EGFR: variants seen among roughly 807,000 people sequenced by gnomAD.
EGFR encodes the protein epidermal growth factor receptor, also known as avian erythroblastic leukemia viral (v-erb-b) oncogene homolog.
Under a neutral mutation model 143.0 loss-of-function variants are expected in EGFR, and 58 were observed. That is an observed-to-expected ratio of 0.41 (90% CI 0.33 to 0.50). The LOEUF (loss-of-function observed/expected upper bound fraction) is 0.50, where lower values mean the gene tolerates loss of function less well. EGFR is among the 20% of genes least tolerant of loss of function. The pLI, the probability that EGFR is intolerant of heterozygous loss-of-function variation, is 0.39. For missense variants in EGFR, 1,307 were observed against 1,579.0 expected (o/e 0.83, Z 2.92); for synonymous variants, 613 against 594.4 (o/e 1.03, Z -0.45).
At chr7:55,020,176 C>T (rs1264085392) in intron 1 of EGFR, among the ~76,000 whole-genome samples, 1 of 152,228 alleles carries the variant, frequency 6.6e-6, no homozygotes, top group Non-Finnish European at 1.5e-5. Context: ...GCTCGCCTCG[C>T]CCGGTGCGCC....
chr7:55,129,716 C>T (rs185588203), intron 1 of EGFR, among the ~76,000 whole-genome samples: 3 of 152,344 alleles, frequency 2.0e-5, no homozygotes, highest in Non-Finnish European at 2.9e-5. Context: ...GACCTTGTAT[C>T]TTACTTCAAT....
intron 1 of EGFR, among the ~76,000 whole-genome samples, chr7:55,110,569 A>G (rs888533950): frequency 6.6e-6 from 1 of 152,226 alleles, no homozygotes; most frequent in African/African-American, 2.4e-5. Flanking sequence ...TAAATTATTT[A>G]TAGCTCAATT....
intron 1 of EGFR, among the ~76,000 whole-genome samples, chr7:55,117,292 C>T (rs1042529463): frequency 1.3e-5 from 2 of 151,954 alleles, no homozygotes; most frequent in African/African-American, 4.8e-5. Flanking sequence ...CTTTTTAGAT[C>T]GGTAAAAGTT....
At chr7:55,125,664 C>T (rs570688592) in intron 1 of EGFR, among the ~76,000 whole-genome samples, 40 of 151,818 alleles carry the variant, frequency 2.6e-4, no homozygotes, top group African/African-American at 7.9e-4. Context: ...ATAAATCCAG[C>T]GTACCAGCTT....
At position 55,118,735 on chromosome 7, in the gene EGFR, A is replaced by G. The variant is rs541581201; in HGVS notation, c.89-23551A>G. 1.7e-4 allele frequency among the ~76,000 whole-genome samples: 26 copies of G among 152,240 alleles called. 1 individual carries two copies. The highest frequency in any genetic ancestry group is 5.1e-4 in the African/African-American group (21 of 41,538). On this transcript the variant is annotated intron_variant, in intron 1 of 27. Coordinates refer to ENST00000275493, the MANE Select transcript of EGFR (RefSeq NM_005228.5). ...AAAGGAGCTGTGATCTCACAGATCC[A>G]CAGAGAAGTGTCCCAGGGCGGGCGG...
chr7:55,074,076 C>T (rs1016645461), intron 1 of EGFR, among the ~76,000 whole-genome samples: 3 of 152,240 alleles, frequency 2.0e-5, no homozygotes, highest in East Asian at 3.8e-4. Context: ...CTCAACGGCT[C>T]ATTCACCACA....
At chr7:55,179,799 T>G (rs967789616) in intron 19 of EGFR, 2 of 152,228 alleles carry the variant, frequency 1.3e-5, no homozygotes, top group Non-Finnish European at 2.9e-5. Flanking sequence ...CATTATTCCC[T>G]AAACAATACA....
Position 55,109,241 on chromosome 7 carries a change from CAT to C in EGFR, c.89-33042_89-33041del, listed in dbSNP as rs1487754411. Among the ~76,000 whole-genome samples, 3 of 152,338 alleles carry C rather than the reference CAT, an allele frequency of 2.0e-5. No individual in the cohort carries two copies. In the East Asian group the frequency reaches 5.8e-4, roughly 29 times the overall value. On this transcript the variant is annotated intron_variant, in intron 1 of 27. Coordinates refer to ENST00000275493, the MANE Select transcript of EGFR (RefSeq NM_005228.5). ...ATTTAAAATCTATTTCCACATAAAA[CAT>C]ATTAATGCAACCTAAACAAAAGGGG...
chr7:55,082,423 T>G (rs1790515914), intron 1 of EGFR, among the ~76,000 whole-genome samples: 1 of 152,200 alleles, frequency 6.6e-6, no homozygotes, highest in African/African-American at 2.4e-5. Context: ...TGTGACTTTA[T>G]AGCCTTTTGG....
intron 1 of EGFR, among the ~76,000 whole-genome samples, chr7:55,117,164 A>G (rs963130202): frequency 2.0e-5 from 3 of 152,238 alleles, no homozygotes; most frequent in Non-Finnish European, 4.4e-5. Flanking sequence ...ATTGCCACAT[A>G]CATCTTCCAT....
intron 22 of EGFR, 47 bp from the exon 23 acceptor site, chr7:55,198,670 G>A (rs762332591): frequency 6.2e-7 from 1 of 1,612,556 alleles, no homozygotes; most frequent in Non-Finnish European, 8.5e-7. Context: ...GATTGTGATT[G>A]TTCATTCATG....
intron 1 of EGFR, among the ~76,000 whole-genome samples, chr7:55,056,032 A>C (rs1235194029): frequency 6.6e-6 from 1 of 152,024 alleles, no homozygotes; most frequent in Non-Finnish European, 1.5e-5. Context: ...TCTGTGATTC[A>C]TTCGTTCCAC....
At chr7:55,165,634 A>G (rs1785939159) in intron 15 of EGFR, among the ~76,000 whole-genome samples, 197 bp downstream of exon 15, 1 of 152,182 alleles carries the variant, frequency 6.6e-6, no homozygotes, top group Admixed American at 6.5e-5. Flanking sequence ...TGACTCTGCC[A>G]TGCACCGTGT....
At chr7:55,200,228 G>A (rs879675797) in intron 23 of EGFR, 88 bp from the exon 24 acceptor site, 53 of 1,231,386 alleles carry the variant, frequency 4.3e-5, no homozygotes, top group Middle Eastern at 1.9e-4. Flanking sequence ...TGGAAGTGTC[G>A]CATCACCAAT....
chr7:55,051,833 G>A (rs868175717), intron 1 of EGFR, among the ~76,000 whole-genome samples: 1 of 152,190 alleles, frequency 6.6e-6, no homozygotes, highest in Admixed American at 6.5e-5. Context: ...TCAAACTGAA[G>A]TTTTCCTCCT....
chr7:55,061,176 G>A (rs1789143687), intron 1 of EGFR, among the ~76,000 whole-genome samples: 1 of 152,180 alleles, frequency 6.6e-6, no homozygotes, highest in African/African-American at 2.4e-5. Context: ...TATGTAATTG[G>A]CCACTTAGTA....
chr7:55,118,174 T>C (rs2128912000), intron 1 of EGFR, among the ~76,000 whole-genome samples: 1 of 152,326 alleles, frequency 6.6e-6, no homozygotes, highest in Non-Finnish European at 1.5e-5. Context: ...CTGAAATTAA[T>C]GGGGACCTCC....
intron 19 of EGFR, among the ~76,000 whole-genome samples, chr7:55,179,402 A>G (rs1786753779): frequency 6.6e-6 from 1 of 152,250 alleles, no homozygotes; most frequent in African/African-American, 2.4e-5. Context: ...AAAAACTGCA[A>G]GATACCAGGA....
At chr7:55,076,903 CAGTT>C (rs1790163251) in intron 1 of EGFR, among the ~76,000 whole-genome samples, 1 of 151,926 alleles carries the variant, frequency 6.6e-6, no homozygotes, top group Non-Finnish European at 1.5e-5. Context: ...ACAAATAAAA[CAGTT>C]AGGGAATGAG....
Sources: gnomAD v4.1 joint callset for allele counts (sites outside exome capture counted in the v4.1 genomes callset) on GRCh38, gnomAD v4.1.1 for gene constraint, MANE v1.5 for transcripts, NCBI Gene and HGNC (gene_info 2026-07-23, HGNC 2026-07-21) for gene names.